Variants in C16orf87 observed in about 807,000 individuals in gnomAD.
The protein encoded by C16orf87 is UPF0547 protein C16orf87.
A neutral mutation model predicts 21.0 loss-of-function variants in C16orf87; 13 were observed. The ratio of observed to expected loss-of-function variants is 0.62; its 90% confidence interval spans 0.40 to 0.98. The LOEUF is 0.98. C16orf87 is among the 50% of genes least tolerant of loss of function. C16orf87 has a pLI of 0.00. For synonymous variants in C16orf87, 49 were observed against 60.2 expected (o/e 0.81, Z 0.86); for missense variants, 113 against 180.4 (o/e 0.63, Z 2.14).
Position 46,824,447 on chromosome 16 carries a change from G to T in C16orf87, c.102C>A (p.Tyr34Ter). 6.3e-7 allele frequency: 1 copy of T among 1,578,956 alleles called. No homozygotes were observed. The highest frequency in any genetic ancestry group is 1.7e-5 in the Admixed American group (1 of 57,914). Reference sequence around the variant, plus strand: ...TTAAAAGTTTTCTGCTAATAAATATGTAACCACAAGGACATGATTTACATG... The same window carrying T: ...TTAAAAGTTTTCTGCTAATAAATATTTAACCACAAGGACATGATTTACATG... ...PVACKSCPCG[Y>*]IFISRKLLNA... Residue 34 changes from tyrosine to a stop codon, truncating the protein, a stop_gained, in exon 2 of 4, where the codon TAC becomes TAA. Transcript: ENST00000285697. LOFTEE classifies it high-confidence loss of function.
At chr16:46,804,404 G>A (rs1286947295) in intron 3 of C16orf87, among the ~76,000 whole-genome samples, 1 of 152,154 alleles carries the variant, frequency 6.6e-6, no homozygotes, top group Non-Finnish European at 1.5e-5. Context: ...ACTTGTAGGG[G>A]CTTCCTGAGA....
Position 46,809,798 on chromosome 16 carries a change from A to G in C16orf87, c.164-13T>C. 6.4e-7 allele frequency: 1 copy of G among 1,559,252 alleles called. No individual in the cohort carries two copies. Among genetic ancestry groups the G allele is most frequent in the Non-Finnish European group, 8.8e-7 (1 of 1,140,218 alleles). On this transcript the variant is annotated splice_polypyrimidine_tract_variant and intron_variant, in intron 2 of 3. Transcript: ENST00000285697. ...TCATGCTTGTTTTCTGTATGGATGA[A>G]TAAAAGTGATATATTTTAGGGCTTA...
At chr16:46,818,112 G>C (rs1409416444) in intron 2 of C16orf87, among the ~76,000 whole-genome samples, 1 of 152,014 alleles carries the variant, frequency 6.6e-6, no homozygotes, top group African/African-American at 2.4e-5. Flanking sequence ...CTGACCTCAA[G>C]TGATCCATCT....
At chr16:46,815,485 T>C (rs963463504) in intron 2 of C16orf87, among the ~76,000 whole-genome samples, 59 of 151,598 alleles carry the variant, frequency 3.9e-4, no homozygotes, top group Admixed American at 3.5e-3. Flanking sequence ...AGAAAATATA[T>C]GCAAATTATT....
chr16:46,819,048 A>G (rs1959306495), intron 2 of C16orf87, among the ~76,000 whole-genome samples: 1 of 152,144 alleles, frequency 6.6e-6, no homozygotes, highest in Non-Finnish European at 1.5e-5. Context: ...CCCCAAAAAG[A>G]GGGTATTTAA....
chr16:46,810,542 G>C (rs907648622), intron 2 of C16orf87, among the ~76,000 whole-genome samples: 1 of 152,088 alleles, frequency 6.6e-6, no homozygotes, highest in Admixed American at 6.5e-5. Flanking sequence ...AAGCAAGAAA[G>C]AGAATTCCCC....
chr16:46,817,846 T>C (rs910866374), intron 2 of C16orf87, among the ~76,000 whole-genome samples: 1 of 135,858 alleles, frequency 7.4e-6, no homozygotes, highest in African/African-American at 2.8e-5. Context: ...ATAGATATCA[T>C]AGACTATATG....
Position 46,810,471 on chromosome 16 carries a change from G to GA in C16orf87, c.164-687dup, listed in dbSNP as rs557371615. Among the ~76,000 whole-genome samples the GA allele has an allele frequency of 9.4e-4, 143 of 151,576 alleles. No homozygotes were observed. In the South Asian group the frequency reaches 1.0e-2, roughly 11 times the overall value. ...GGATAAGACAAACAATAAACTTAAA[G>GA]AAAAAAACAAAACAAAAACAAAAAA... On this transcript the variant is annotated intron_variant, in intron 2 of 3. Coordinates refer to ENST00000285697, the MANE Select transcript of C16orf87 (RefSeq NM_001001436.4).
chr16:46,810,372 G>GGAA (rs1968046104), intron 2 of C16orf87, among the ~76,000 whole-genome samples: 1 of 151,970 alleles, frequency 6.6e-6, no homozygotes, highest in Non-Finnish European at 1.5e-5. Flanking sequence ...ATAGCAATAG[G>GGAA]GAAACTTTAC....
intron 2 of C16orf87, among the ~76,000 whole-genome samples, chr16:46,823,413 T>C (rs537731048): frequency 1.3e-5 from 2 of 152,320 alleles, no homozygotes; most frequent in African/African-American, 4.8e-5. Flanking sequence ...CACCACCATA[T>C]GAAGGTCTGC....
At chr16:46,823,447 A>T (rs1198939315) in intron 2 of C16orf87, among the ~76,000 whole-genome samples, 2 of 152,206 alleles carry the variant, frequency 1.3e-5, no homozygotes, top group African/African-American at 4.8e-5. Flanking sequence ...TAAGTAACAA[A>T]ATTGTATCTT....
rs1266672428 is a variant in C16orf87, at chr16:46,809,799, T to C, written c.164-14A>G. ...CATGCTTGTTTTCTGTATGGATGAATAAAAGTGATATATTTTAGGGCTTAG... is the reference window on the plus strand; with the variant it reads ...CATGCTTGTTTTCTGTATGGATGAACAAAAGTGATATATTTTAGGGCTTAG... On this transcript the variant is annotated splice_polypyrimidine_tract_variant and intron_variant, in intron 2 of 3. Coordinates refer to ENST00000285697, the MANE Select transcript of C16orf87 (RefSeq NM_001001436.4). 6.4e-7 allele frequency: 1 copy of C among 1,559,654 alleles called. No individual in the cohort carries two copies. The highest frequency in any genetic ancestry group is 1.1e-5 in the South Asian group (1 of 87,594).
intron 2 of C16orf87, among the ~76,000 whole-genome samples, chr16:46,813,233 A>T (rs1968148888): frequency 1.3e-5 from 2 of 152,190 alleles, no homozygotes; most frequent in South Asian, 2.1e-4. Flanking sequence ...ATCAAAAAAT[A>T]ACTCTTGGTT....
chr16:46,817,585 G>C (rs1370320404), intron 2 of C16orf87, among the ~76,000 whole-genome samples: 2 of 152,088 alleles, frequency 1.3e-5, no homozygotes, highest in Non-Finnish European at 2.9e-5. Flanking sequence ...CTACTAGGGA[G>C]GCTGAGGCAG....
intron 2 of C16orf87, among the ~76,000 whole-genome samples, chr16:46,821,815 G>A (rs2143144928): frequency 6.6e-6 from 1 of 152,106 alleles, no homozygotes; most frequent in African/African-American, 2.4e-5. Flanking sequence ...TGGCTCAAAA[G>A]TTTTACCTGC....
intron 1 of C16orf87, among the ~76,000 whole-genome samples, chr16:46,828,521 G>A (rs1959713587): frequency 6.6e-6 from 1 of 152,124 alleles, no homozygotes; most frequent in Non-Finnish European, 1.5e-5. Flanking sequence ...AAATGAAAAG[G>A]ACTGTGGTTT....
rs1037523907 is a variant in C16orf87, at chr16:46,807,744, CA to C, written c.346+1858del. 1.5e-3 allele frequency among the ~76,000 whole-genome samples: 227 copies of C among 151,258 alleles called. 1 individual carries two copies. Among genetic ancestry groups the C allele is most frequent in the African/African-American group, 5.1e-3 (211 of 41,288 alleles). ...AATTTCCTACAATTTGTATCAAAAACAAAAAAAAGCATATCTTACTCTAGAA... is the reference window on the plus strand; with the variant it reads ...AATTTCCTACAATTTGTATCAAAAACAAAAAAAGCATATCTTACTCTAGAA... On this transcript the variant is annotated intron_variant, in intron 3 of 3. Coordinates refer to ENST00000285697, the MANE Select transcript of C16orf87 (RefSeq NM_001001436.4).
At chr16:46,810,083 CT>C (rs539713408) in intron 2 of C16orf87, among the ~76,000 whole-genome samples, 1 of 152,158 alleles carries the variant, frequency 6.6e-6, no homozygotes, top group Non-Finnish European at 1.5e-5. Context: ...CCATAGCAAC[CT>C]TTCTGCCTTT....
intron 3 of C16orf87, among the ~76,000 whole-genome samples, chr16:46,808,543 T>G (rs1187067987): frequency 6.6e-6 from 1 of 152,198 alleles, no homozygotes; most frequent in Non-Finnish European, 1.5e-5. Context: ...AAATTAAAAA[T>G]GCATTTCAGT....
Sources: allele counts gnomAD v4.1 joint callset (sites outside exome capture counted in the v4.1 genomes callset), GRCh38; gene constraint gnomAD v4.1.1; transcripts MANE v1.5; gene names NCBI Gene and HGNC (gene_info 2026-07-23, HGNC 2026-07-21).